Variants in MCC observed in about 807,000 individuals in gnomAD.
MCC encodes the protein MCC regulator of Wnt signaling pathway.
MCC carries 90 observed loss-of-function variants against 116.2 expected under a neutral mutation model. The observed-to-expected ratio is 0.77, with a 90% confidence interval of 0.65 to 0.92. The LOEUF is 0.92. Ranked by LOEUF, MCC falls within the 40% of genes least tolerant of loss-of-function variation. The pLI, the probability that MCC is intolerant of heterozygous loss-of-function variation, is 0.00. For missense variants in MCC, 1,516 were observed against 1,312.2 expected, an observed-to-expected ratio of 1.16 and a Z score of -2.40; for synonymous variants, 578 against 510.5, an observed-to-expected ratio of 1.13 and a Z score of -1.78.
intron 1 of MCC, among the ~76,000 whole-genome samples, chr5:113,407,698 A>G (rs1393103747): frequency 1.3e-5 from 2 of 152,166 alleles, no homozygotes; most frequent in Non-Finnish European, 2.9e-5. Context: ...TTACATAGGT[A>G]TACGTGTGCC....
chr5:113,044,606 C>G (rs967485110), intron 16 of MCC: 1 of 354,932 alleles, frequency 2.8e-6, no homozygotes, highest in Non-Finnish European at 3.9e-6. Flanking sequence ...TGGAGTTTTG[C>G]TCTCGTTGCC....
chr5:113,448,631 AGTTTTTT>A (rs1771292029), intron 1 of MCC, among the ~76,000 whole-genome samples: 2 of 152,140 alleles, frequency 1.3e-5, no homozygotes, highest in African/African-American at 4.8e-5. Flanking sequence ...TACACACTCC[AGTTTTTT>A]TAAACCTTAG....
intron 13 of MCC, among the ~76,000 whole-genome samples, chr5:113,064,732 C>T (rs1001679795): frequency 1.3e-5 from 2 of 152,142 alleles, no homozygotes; most frequent in Admixed American, 6.5e-5. Flanking sequence ...GCTTGGTAAT[C>T]GGCGTGAACT....
intron 8 of MCC, among the ~76,000 whole-genome samples, chr5:113,090,870 A>G (rs139736819): frequency 1.2e-4 from 19 of 152,388 alleles, no homozygotes; most frequent in African/African-American, 4.3e-4. Context: ...AAATAAATTC[A>G]TTGCCAAGGT....
At chr5:113,240,201 C>T (rs949821320) in intron 3 of MCC, among the ~76,000 whole-genome samples, 1 of 152,164 alleles carries the variant, frequency 6.6e-6, no homozygotes, top group Non-Finnish European at 1.5e-5. Flanking sequence ...CCCTTCTCCC[C>T]AGCAGAGTAG....
Position 113,129,837 on chromosome 5 carries a change from A to G in MCC, c.885-7011T>C, listed in dbSNP as rs182461509. 2.6e-5 allele frequency among the ~76,000 whole-genome samples: 4 copies of G among 152,356 alleles called. No individual in the cohort carries two copies. In the East Asian group the frequency reaches 7.7e-4, roughly 29 times the overall value. On this transcript the variant is annotated intron_variant, in intron 5 of 18. Coordinates refer to ENST00000408903, the MANE Select transcript of MCC (RefSeq NM_001085377.2). ...GATCATTAAAAAGGCAGGAAACAACAGATGCTGGAGAGGATGTGGAGAAAT... is the reference window on the plus strand; with the variant it reads ...GATCATTAAAAAGGCAGGAAACAACGGATGCTGGAGAGGATGTGGAGAAAT...
chr5:113,054,968 G>C (rs946276816), intron 14 of MCC, among the ~76,000 whole-genome samples: 5 of 152,336 alleles, frequency 3.3e-5, no homozygotes, highest in Non-Finnish European at 4.4e-5. Context: ...TCTGAGGCCA[G>C]TGTGCACCGA....
intron 3 of MCC, among the ~76,000 whole-genome samples, chr5:113,207,868 C>G (rs1225276386): frequency 1.3e-5 from 2 of 152,126 alleles, no homozygotes; most frequent in African/African-American, 4.8e-5. Context: ...CTGGAGGCCA[C>G]GTTAAAGTGG....
At chr5:113,337,410 G>A (rs1445193552) in intron 3 of MCC, among the ~76,000 whole-genome samples, 1 of 152,164 alleles carries the variant, frequency 6.6e-6, no homozygotes, top group African/African-American at 2.4e-5. Flanking sequence ...ACATCTCAGG[G>A]AAATTCTCTG....
At chr5:113,363,288 C>CA (rs1000298199) in intron 2 of MCC, among the ~76,000 whole-genome samples, 1 of 151,846 alleles carries the variant, frequency 6.6e-6, no homozygotes, top group African/African-American at 2.4e-5. Flanking sequence ...AAAACAAAAA[C>CA]AAAAAAACAA....
At chr5:113,466,244 A>G (rs1334497272) in intron 1 of MCC, among the ~76,000 whole-genome samples, 7 of 151,954 alleles carry the variant, frequency 4.6e-5, no homozygotes, top group Non-Finnish European at 1.0e-4. Context: ...CAGGTTTGTT[A>G]CATATGTATA....
At chr5:113,201,526 C>A (rs11958840) in intron 3 of MCC, among the ~76,000 whole-genome samples, 9,594 of 152,192 alleles carry the variant, frequency 0.063, 900 homozygotes, top group African/African-American at 0.2. Context: ...ACCCAAGAAC[C>A]AACTAGCTTT....
chr5:113,290,483 G>A (rs989697859), intron 3 of MCC, among the ~76,000 whole-genome samples: 4 of 152,086 alleles, frequency 2.6e-5, no homozygotes, highest in African/African-American at 7.2e-5. Context: ...TTTTATTTTT[G>A]TACATAAATA....
intron 3 of MCC, among the ~76,000 whole-genome samples, chr5:113,228,910 C>T (rs186556826): frequency 5.3e-5 from 8 of 152,000 alleles, no homozygotes; most frequent in Admixed American, 3.3e-4. Context: ...TGTTTTTGGC[C>T]GGAAAAATGG....
rs551718375 is a variant in MCC, at chr5:113,471,740, T to G, written c.170+16505A>C. On this transcript the variant is annotated intron_variant, in intron 1 of 18. Transcript: ENST00000408903. ...AGTCTGCAGAGGTTACTGCTGTCTT[T>G]TTGTTTGTCTGTGCCCTGCCCCCAG... Among the ~76,000 whole-genome samples the G allele has an allele frequency of 3.7e-4, 27 of 73,790 alleles. 1 individual carries two copies. The highest frequency in any genetic ancestry group is 1.3e-3 in the African/African-American group (27 of 21,464). 48.4% of individuals were successfully genotyped at this position (73,790 alleles called of 152,430 possible).
intron 3 of MCC, among the ~76,000 whole-genome samples, chr5:113,247,376 T>C (rs1366565282): frequency 2.0e-5 from 3 of 152,134 alleles, no homozygotes; most frequent in Non-Finnish European, 2.9e-5. Flanking sequence ...GAATGATGGC[T>C]CATGATACAT....
At chr5:113,476,671 G>T (rs1007555748) in intron 1 of MCC, among the ~76,000 whole-genome samples, 10 of 152,064 alleles carry the variant, frequency 6.6e-5, no homozygotes, top group Non-Finnish European at 8.8e-5. Flanking sequence ...GCAATAAAAG[G>T]CCACAGAATG....
intron 1 of MCC, among the ~76,000 whole-genome samples, chr5:113,483,013 T>C (rs185693424): frequency 5.1e-4 from 77 of 152,302 alleles, no homozygotes; most frequent in Non-Finnish European, 1.5e-5. Flanking sequence ...AGACTATTTT[T>C]TCCCCCATTT....
Position 113,182,865 on chromosome 5 carries a change from G to A in MCC, c.628-31443C>T, listed in dbSNP as rs576906722. ...GAAGGTATAAACACCCAATAGCCAC[G>A]CTGTCACAGGAGGCTTGTGACGAGG... is the stretch of plus-strand genomic sequence containing the variant. On this transcript the variant is annotated intron_variant, in intron 3 of 18. Coordinates refer to ENST00000408903, the MANE Select transcript of MCC (RefSeq NM_001085377.2). Among the ~76,000 whole-genome samples the A allele has an allele frequency of 1.4e-4, 22 of 152,308 alleles. No individual in the cohort carries two copies. In the East Asian group the frequency reaches 3.5e-3, roughly 24 times the overall value.
Sources: gnomAD v4.1 joint callset for allele counts (sites outside exome capture counted in the v4.1 genomes callset) on GRCh38, gnomAD v4.1.1 for gene constraint, MANE v1.5 for transcripts, NCBI Gene and HGNC (gene_info 2026-07-23, HGNC 2026-07-21) for gene names.